STIM1: variants seen among roughly 807,000 people sequenced by gnomAD.
The protein encoded by STIM1 is stromal interaction molecule 1.
STIM1 carries 25 observed loss-of-function variants against 74.7 expected under a neutral mutation model. The observed-to-expected ratio is 0.33, with a 90% confidence interval of 0.24 to 0.47. The LOEUF is 0.47. Ranked by LOEUF, STIM1 falls within the 20% of genes least tolerant of loss-of-function variation. The pLI is 1.00. For synonymous variants in STIM1, 328 were observed against 348.8 expected (o/e 0.94, Z 0.66); for missense variants, 728 against 920.8 (o/e 0.79, Z 2.71).
At chr11:3,904,500 A>G (rs2092427782) in intron 1 of STIM1, among the ~76,000 whole-genome samples, 1 of 152,098 alleles carries the variant, frequency 6.6e-6, no homozygotes, top group Non-Finnish European at 1.5e-5. Flanking sequence ...CTTAAATCCT[A>G]TTGGAGTTAA....
intron 2 of STIM1, among the ~76,000 whole-genome samples, chr11:4,009,922 C>T (rs558878668): frequency 6.6e-6 from 1 of 152,154 alleles, no homozygotes; most frequent in Non-Finnish European, 1.5e-5. Context: ...AAGTAATCCT[C>T]TCACCTCAGC....
At chr11:3,989,948 G>T (rs1254397508) in intron 2 of STIM1, among the ~76,000 whole-genome samples, 1 of 152,196 alleles carries the variant, frequency 6.6e-6, no homozygotes, top group African/African-American at 2.4e-5. Context: ...AATTCAATGG[G>T]TTTTAGTATA....
intron 1 of STIM1, among the ~76,000 whole-genome samples, chr11:3,945,310 C>G (rs893344703): frequency 2.0e-5 from 3 of 152,150 alleles, no homozygotes; most frequent in Non-Finnish European, 4.4e-5. Flanking sequence ...GGCATGGTGG[C>G]TCACGCCTGT....
chr11:3,942,325 C>T (rs1378371196), intron 1 of STIM1, among the ~76,000 whole-genome samples: 2 of 152,206 alleles, frequency 1.3e-5, no homozygotes, highest in Non-Finnish European at 2.9e-5. Flanking sequence ...GCATAGCCTC[C>T]ATTTCCTGGG....
In STIM1 at chr11:3,911,202, T is replaced by C. The variant is rs140270674; in HGVS notation, c.139+54793T>C. On this transcript the variant is annotated intron_variant, in intron 1 of 12. Transcript: ENST00000526596. ...ATCCTTCCAGTTGGCTGCCAGAATC[T>C]TCTAACAAGTCAATCTAACTGTGGC... 3.2e-3 allele frequency among the ~76,000 whole-genome samples: 490 copies of C among 152,250 alleles called. 1 individual carries two copies. The highest frequency in any genetic ancestry group is 4.6e-3 in the Non-Finnish European group (316 of 68,026).
At chr11:3,856,459 T>G (rs1185308599) in intron 1 of STIM1, 50 bp downstream of exon 1, 2 of 1,587,302 alleles carry the variant, frequency 1.3e-6, no homozygotes, top group Admixed American at 3.5e-5. Flanking sequence ...GGCTCAGGAC[T>G]GAGTGGCCCG....
intron 1 of STIM1, among the ~76,000 whole-genome samples, chr11:3,862,393 C>T (rs2090649411): frequency 6.6e-6 from 1 of 152,096 alleles, no homozygotes; most frequent in Non-Finnish European, 1.5e-5. Flanking sequence ...ATCTGAGGCT[C>T]AGTGTCACTT....
intron 12 of STIM1, among the ~76,000 whole-genome samples, chr11:4,090,851 T>C (rs55778412): frequency 0.019 from 2,968 of 152,312 alleles, 92 homozygotes; most frequent in African/African-American, 0.067. Flanking sequence ...GGCCCAGGTA[T>C]TGGAAAACCA....
chr11:4,050,150 G>A (rs888845496), intron 3 of STIM1, among the ~76,000 whole-genome samples: 1 of 152,162 alleles, frequency 6.6e-6, no homozygotes, highest in African/African-American at 2.4e-5. Context: ...GCCTTGATTT[G>A]GGTTATGTAC....
intron 1 of STIM1, among the ~76,000 whole-genome samples, chr11:3,901,104 T>C (rs1475951909): frequency 2.6e-5 from 4 of 152,092 alleles, no homozygotes; most frequent in Non-Finnish European, 5.9e-5. Context: ...GGCAGGAGAA[T>C]TGCTTGAACC....
rs950271161 is a variant in STIM1, at chr11:3,982,816, G to A, written c.270+15134G>A. Among the ~76,000 whole-genome samples, 9 of 152,212 alleles carry A rather than the reference G, an allele frequency of 5.9e-5. 1 individual carries two copies. The highest frequency in any genetic ancestry group is 6.3e-3 in the Middle Eastern group (2 of 316). ...ATATGTTTTTTAAAAAAGTGTCACC[G>A]CATTGGTTGGAGTGGTGGTCACCTT... On this transcript the variant is annotated intron_variant, in intron 2 of 12. Transcript: ENST00000526596.
intron 2 of STIM1, among the ~76,000 whole-genome samples, chr11:3,997,163 C>A (rs896803426): frequency 6.6e-6 from 1 of 152,192 alleles, no homozygotes; most frequent in Non-Finnish European, 1.5e-5. Flanking sequence ...GTCATGTGCC[C>A]AGTGTTTTGG....
chr11:4,028,050 C>T (rs559325942), intron 3 of STIM1, among the ~76,000 whole-genome samples: 1 of 152,274 alleles, frequency 6.6e-6, no homozygotes, highest in Non-Finnish European at 1.5e-5. Flanking sequence ...CTTTCCTGGA[C>T]ACTAGATTTT....
chr11:3,895,610 CTTTCTT>C (rs768362792), intron 1 of STIM1, among the ~76,000 whole-genome samples: 2,353 of 39,840 alleles, frequency 0.059, 145 homozygotes, highest in Middle Eastern at 0.12. Flanking sequence ...CTTTCTCTCT[CTTTCTT>C]TCTTTCTTTC....
rs563500898 is a variant in STIM1, at chr11:4,039,205, T to C, written c.385+15218T>C. ...CTGCAATTCCAGCCCTGTGAGAGGA[T>C]CACTTGAGCCCCAGAGGTTGAGGCT... On this transcript the variant is annotated intron_variant, in intron 3 of 12. Coordinates refer to ENST00000526596, the MANE Select transcript of STIM1 (RefSeq NM_001382567.1). 1.9e-3 allele frequency among the ~76,000 whole-genome samples: 288 copies of C among 152,166 alleles called. 4 individuals carry two copies. Among genetic ancestry groups the C allele is most frequent in the African/African-American group, 6.7e-3 (277 of 41,542 alleles).
chr11:3,919,377 G>T (rs1163584433), intron 1 of STIM1, among the ~76,000 whole-genome samples: 1 of 151,994 alleles, frequency 6.6e-6, no homozygotes, highest in Non-Finnish European at 1.5e-5. Context: ...AGCTAATTTT[G>T]TATTTTTAGT....
chr11:3,893,166 A>G (rs561809216), intron 1 of STIM1, among the ~76,000 whole-genome samples: 15 of 152,360 alleles, frequency 9.8e-5, no homozygotes, highest in South Asian at 2.1e-4. Context: ...GGTCTTCAGA[A>G]TATTTGGGAT....
At position 4,082,354 on chromosome 11, in the gene STIM1, G is replaced by A. The variant is rs199831332; in HGVS notation, c.1137+3G>A. ...AGCTGCTGGTGGCCAAGGAGGGGGT[G>A]AGAACAGCCCTTCTATTGTCCTCTT... On this transcript the variant is annotated splice_donor_region_variant and intron_variant, in intron 8 of 12. Transcript: ENST00000526596. 18 of 1,609,192 alleles carry A rather than the reference G, an allele frequency of 1.1e-5. No individual in the cohort carries two copies. Among genetic ancestry groups the A allele is most frequent in the Middle Eastern group, 2.0e-4 (1 of 5,054 alleles).
At chr11:4,062,373 AC>A (rs1344855667) in intron 5 of STIM1, among the ~76,000 whole-genome samples, 2 of 152,240 alleles carry the variant, frequency 1.3e-5, no homozygotes, top group Non-Finnish European at 2.9e-5. Context: ...TAATCCCAGC[AC>A]TTTGGGAGGC....
Sources: allele counts gnomAD v4.1 joint callset (sites outside exome capture counted in the v4.1 genomes callset), GRCh38; gene constraint gnomAD v4.1.1; transcripts MANE v1.5; gene names NCBI Gene and HGNC (gene_info 2026-07-23, HGNC 2026-07-21).